Variants in KCNAB3 observed in about 807,000 individuals in gnomAD.
The protein encoded by KCNAB3 is voltage-gated potassium channel subunit beta-3.
Under a neutral mutation model 67.7 loss-of-function variants are expected in KCNAB3, and 62 were observed. The observed-to-expected ratio is 0.92, with a 90% CI of 0.75 to 1.13. KCNAB3 has a LOEUF of 1.13. Ranked by LOEUF, KCNAB3 falls within the 50% of genes most tolerant of loss-of-function variation. The pLI is 0.00. For synonymous variants in KCNAB3, 212 were observed against 205.4 expected (o/e 1.03, Z -0.27); for missense variants, 514 against 522.9 (o/e 0.98, Z 0.17).
intron 1 of KCNAB3, chr17:7,928,097 A>T (rs1598038149): frequency 1.7e-6 from 1 of 576,600 alleles, no homozygotes; most frequent in East Asian, 2.9e-5. Context: ...GAAGACGTGC[A>T]GTCTGGTTTG....
chr17:7,922,350 T>C lies in KCNAB3; in HGVS notation c.*752A>G, dbSNP rs982177523. On this transcript the variant is annotated 3_prime_UTR_variant, in exon 14 of 14. Transcript: ENST00000303790. ...TATACCCAGACGTTTTATTTATTTA[T>C]TTTTTTTAAATCAAGGCGTCCCTGC... is the stretch of plus-strand genomic sequence containing the variant. 6.6e-6 allele frequency: 1 copy of C among 152,022 alleles called. No homozygotes were observed. The highest frequency in any genetic ancestry group is 2.4e-5 in the African/African-American group (1 of 41,356). The allele number at this position is 152,022 out of a possible 1,614,324, so 9.4% of individuals were successfully genotyped here. A position where few individuals can be genotyped will look rare whatever the true frequency, so the allele number is the denominator to read the frequency against.
In KCNAB3 at chr17:7,922,937, C is replaced by T; in HGVS notation, c.*165G>A. ...TCGACCCCACTGCAAAAGGATATGG[C>T]TTTGTTCATGCGTATCACTACTCGA... On this transcript the variant is annotated 3_prime_UTR_variant, in exon 14 of 14. Transcript: ENST00000303790. The T allele has an allele frequency of 1.5e-6, 1 of 658,704 alleles. No homozygotes were observed. The highest frequency in any genetic ancestry group is 1.7e-5 in the South Asian group (1 of 58,768). 40.8% of individuals were successfully genotyped at this position (658,704 alleles called of 1,614,324 possible). A position where few individuals can be genotyped will look rare whatever the true frequency, so the allele number is the denominator to read the frequency against.
At chr17:7,925,860 A>AC in intron 6 of KCNAB3, 71 bp downstream of exon 6, 3 of 692,716 alleles carry the variant, frequency 4.3e-6, no homozygotes, top group African/African-American at 2.6e-5. Flanking sequence ...AGCTGTCCCC[A>AC]CCCCCACCCC....
rs1397616361 is a variant in KCNAB3 at position 7,929,392 on chromosome 17, C to T, written c.44G>A (p.Arg15Gln). 3.2e-6 allele frequency: 5 copies of T among 1,548,282 alleles called. No individual in the cohort carries two copies. Among genetic ancestry groups the T allele is most frequent in the Admixed American group, 3.9e-5 (2 of 50,954 alleles). ...IACTEQNLRS[R>Q]SSEDRLCGPR... ...TCCACACAGACGGTCCTCACTGCTC[C>T]GGCTGCGAAGGTTCTGCTCGGTACA... The change falls in exon 1 of 14, where the codon CGG becomes CAG. Residue 15 changes from arginine to glutamine, a missense_variant. Physicochemically the swap from Arg to Gln is conservative, Grantham distance 43 (BLOSUM62 1). Transcript: ENST00000303790. This position sits in a 1 kb window ranked among gnomAD's most constrained non-coding sequence, Gnocchi z 5.7.
Position 7,923,073 on chromosome 17 carries a change from C to G in KCNAB3, c.*29G>C, listed in dbSNP as rs962748561. 10 of 1,609,624 alleles carry G rather than the reference C, an allele frequency of 6.2e-6. 1 individual carries two copies. The African/African-American group carries it at 8.0e-5, about 13-fold the overall frequency. On this transcript the variant is annotated 3_prime_UTR_variant, in exon 14 of 14. Transcript: ENST00000303790. Reference sequence around the variant, plus strand: ...CGGGGCTCGGGCGGGTGCAGCGACACCGGGTTGGGTCCCTGCGCCCGCGAC... The same window carrying G: ...CGGGGCTCGGGCGGGTGCAGCGACAGCGGGTTGGGTCCCTGCGCCCGCGAC...
chr17:7,924,673 C>T, intron 8 of KCNAB3, 173 bp from the exon 9 acceptor site: 2 of 1,378,902 alleles, frequency 1.5e-6, no homozygotes, highest in Non-Finnish European at 1.9e-6. Context: ...TCAGCCTCCA[C>T]TGTGGAGTTT....
chr17:7,928,796 C>G (rs768198156), intron 1 of KCNAB3, among the ~76,000 whole-genome samples: 5 of 152,186 alleles, frequency 3.3e-5, no homozygotes, highest in Admixed American at 6.5e-5. Flanking sequence ...CTGGGTCAGG[C>G]ACCCCGAGCA....
Position 7,921,946 on chromosome 17 carries a change from G to T in KCNAB3, c.*1156C>A, listed in dbSNP as rs893608260. ...GAGGAGGAACAAAATTATGAAGCCA[G>T]ATTTCTGGGTTCTAAGGAATGTGGT... is the stretch of plus-strand genomic sequence containing the variant. On this transcript the variant is annotated 3_prime_UTR_variant, in exon 14 of 14. Coordinates refer to ENST00000303790, the MANE Select transcript of KCNAB3 (RefSeq NM_004732.4). The T allele has an allele frequency of 1.3e-5, 2 of 152,246 alleles. No individual in the cohort carries two copies. Among genetic ancestry groups the T allele is most frequent in the African/African-American group, 4.8e-5 (2 of 41,450 alleles). The allele number at this position is 152,246 out of a possible 1,614,324, so 9.4% of individuals were successfully genotyped here.
chr17:7,924,790 T>C, intron 8 of KCNAB3: 1 of 877,718 alleles, frequency 1.1e-6, no homozygotes, highest in Non-Finnish European at 1.6e-6. Context: ...TCACTCAGGA[T>C]GTAGTTCAGT....
chr17:7,929,148 C>T lies in KCNAB3; in HGVS notation c.242+46G>A. Reference sequence around the variant, plus strand: ...GGCCATCTCAAGCAGTCTCAGGGGTCCCGAAAGGAAAGCGGAAGGGGTGGG... The same window carrying T: ...GGCCATCTCAAGCAGTCTCAGGGGTTCCGAAAGGAAAGCGGAAGGGGTGGG... On this transcript the variant is annotated intron_variant, in intron 1 of 13. Coordinates refer to ENST00000303790, the MANE Select transcript of KCNAB3 (RefSeq NM_004732.4). The surrounding 1 kb of genome is among the most constrained non-coding windows in gnomAD (Gnocchi z 5.7). 6.2e-7 allele frequency: 1 copy of T among 1,603,788 alleles called. No individual in the cohort carries two copies. The highest frequency in any genetic ancestry group is 8.5e-7 in the Non-Finnish European group (1 of 1,176,474).
chr17:7,927,458 C>T lies in KCNAB3; in HGVS notation c.325-35G>A, dbSNP rs1369616575. 4 of 1,594,094 alleles carry T rather than the reference C, an allele frequency of 2.5e-6. No homozygotes were observed. In the Admixed American group the frequency reaches 5.0e-5, roughly 20 times the overall value. ...TGAAAGAGGTAAAGATCAACTACTGCTCCTCAGTTACCTCCCTCACTGTAC... is the reference window on the plus strand; with the variant it reads ...TGAAAGAGGTAAAGATCAACTACTGTTCCTCAGTTACCTCCCTCACTGTAC... On this transcript the variant is annotated intron_variant, in intron 3 of 13. Coordinates refer to ENST00000303790, the MANE Select transcript of KCNAB3 (RefSeq NM_004732.4).
chr17:7,929,611 G>A lies in KCNAB3; in HGVS notation c.-176C>T, dbSNP rs1455635724. ...GGGCCCGCGGGGGCGGGCTGCTGGA[G>A]GTCGCGAGGTTTGCGGCGGGAGGGA... is the stretch of plus-strand genomic sequence containing the variant. On this transcript the variant is annotated 5_prime_UTR_variant, in exon 1 of 14. Transcript: ENST00000303790. The surrounding 1 kb of genome is among the most constrained non-coding windows in gnomAD (Gnocchi z 5.7). The A allele has an allele frequency of 1.4e-6, 2 of 1,433,888 alleles. No homozygotes were observed. The allele number at this position is 1,433,888 out of a possible 1,614,324, so 88.8% of individuals were successfully genotyped here. A position where few individuals can be genotyped will look rare whatever the true frequency, so the allele number is the denominator to read the frequency against.
At chr17:7,928,802 G>A (rs776099048) in intron 1 of KCNAB3, among the ~76,000 whole-genome samples, 6 of 152,126 alleles carry the variant, frequency 3.9e-5, no homozygotes, top group East Asian at 1.9e-4. Context: ...CAGGCACCCC[G>A]AGCAGGCCAG....
intron 11 of KCNAB3, 46 bp from the exon 12 acceptor site, chr17:7,923,877 C>T (rs748013377): frequency 4.2e-5 from 66 of 1,562,274 alleles, no homozygotes; most frequent in Non-Finnish European, 5.4e-5. Context: ...ATCACCACCA[C>T]CACCACCACA....
chr17:7,923,135 C>T lies in KCNAB3; in HGVS notation c.1182G>A (p.Gly394=). 1 of 1,614,218 alleles carries T rather than the reference C, an allele frequency of 6.2e-7. No individual in the cohort carries two copies. Residue 394 remains glycine (G), a synonymous_variant, in exon 14 of 14, where the codon GGG becomes GGA. Transcript: ENST00000303790. ...LTPQTVMEID[G]LLGNKPHSKK ...TGGAATGCGGCTTGTTTCCCAGGAG[C>T]CCGTCTATTTCCATCACTGTCTGCG...
In KCNAB3 at chr17:7,927,697, G is replaced by T. The variant is rs1278064374; in HGVS notation, c.287-3C>A. On this transcript the variant is annotated splice_polypyrimidine_tract_variant and splice_region_variant and intron_variant, in intron 2 of 13. Coordinates refer to ENST00000303790, the MANE Select transcript of KCNAB3 (RefSeq NM_004732.4). ...AGAACCAAATGTGACCCAGGTACCT[G>T]CAAGAGAGAAGCCAGGCACATGAGA... 1 of 1,614,178 alleles carries T rather than the reference G, an allele frequency of 6.2e-7. No individual in the cohort carries two copies. Among genetic ancestry groups the T allele is most frequent in the Non-Finnish European group, 8.5e-7 (1 of 1,180,018 alleles).
Position 7,923,793 on chromosome 17 carries a change from A to G in KCNAB3, c.966T>C (p.Asp322=), listed in dbSNP as rs754297154. 1.3e-6 allele frequency: 2 copies of G among 1,582,076 alleles called. No homozygotes were observed. The highest frequency in any genetic ancestry group is 2.3e-5 in the East Asian group (1 of 43,794). ...TGACTTTGGCTTGTTGCTTCTTGCC[A>G]TCTTCACTCTGCACTTTGTCCTTGA... ...QWLKDKVQSE[D]GKKQQAKVMD... The change falls in exon 12 of 14, where the codon GAT becomes GAC. Residue 322 remains aspartate, a synonymous_variant. Transcript: ENST00000303790.
At chr17:7,925,816 T>A in intron 6 of KCNAB3, 90 bp from the exon 7 acceptor site, 1 of 1,593,082 alleles carries the variant, frequency 6.3e-7, no homozygotes, top group Non-Finnish European at 8.6e-7. Flanking sequence ...ATTGCACGAG[T>A]CTTCACAGGC....
chr17:7,923,665 A>G (rs1336804469), intron 12 of KCNAB3, 46 bp downstream of exon 12: 7 of 1,552,266 alleles, frequency 4.5e-6, no homozygotes, highest in African/African-American at 1.4e-5. Flanking sequence ...TGGGCTTGGG[A>G]GCATGTCAGG....
Sources: gnomAD v4.1 joint callset for allele counts (sites outside exome capture counted in the v4.1 genomes callset) on GRCh38, gnomAD v4.1.1 for gene constraint, Gnocchi (gnomAD v3.1) non-coding constraint, MANE v1.5 for transcripts, NCBI Gene and HGNC (gene_info 2026-07-23, HGNC 2026-07-21) for gene names.